Variants in TCERG1L observed in about 807,000 individuals in gnomAD.
TCERG1L encodes transcription elongation regulator 1-like protein.
In TCERG1L, 37 loss-of-function variants were observed where a neutral mutation model predicts 56.3. The observed-to-expected ratio is 0.66, with a 90% CI of 0.51 to 0.87. The LOEUF (loss-of-function observed/expected upper bound fraction) is 0.87. Ranked by LOEUF, TCERG1L falls within the 40% of genes least tolerant of loss-of-function variation. The pLI is 0.00. For synonymous variants in TCERG1L, 324 were observed against 326.3 expected, an observed-to-expected ratio of 0.99 and a Z score of 0.08; for missense variants, 799 against 774.2, an observed-to-expected ratio of 1.03 and a Z score of -0.38.
rs151138949 is a variant in TCERG1L, at chr10:131,212,689, C to T, written c.857-45804G>A. 5.6e-4 allele frequency among the ~76,000 whole-genome samples: 85 copies of T among 152,324 alleles called. No homozygotes were observed. In the East Asian group the frequency reaches 8.7e-3, roughly 16 times the overall value. ...ACAGTTCCAAAATTCTCAATTCAAC[C>T]TGAGACTACCAAATTAGTTCTATTT... On this transcript the variant is annotated intron_variant, in intron 4 of 11. Coordinates refer to ENST00000368642, the MANE Select transcript of TCERG1L (RefSeq NM_174937.4).
Position 131,116,886 on chromosome 10 carries a change from G to A in TCERG1L, c.1308C>T (p.Asp436=). The A allele has an allele frequency of 6.2e-7, 1 of 1,603,116 alleles. No individual in the cohort carries two copies. Among genetic ancestry groups the A allele is most frequent in the Non-Finnish European group, 8.5e-7 (1 of 1,175,318 alleles). The change falls in exon 9 of 12, where the codon GAC becomes GAT. Residue 436 remains aspartate (D), a synonymous_variant. Coordinates refer to ENST00000368642, the MANE Select transcript of TCERG1L (RefSeq NM_174937.4). ...SPKPEEAKRE[D]KGTRTPPPQI... is the part of the protein sequence containing the mutation. ...GCGGGGGCGGCGTCCTTGTGCCTTT[G>A]TCCTCTCTCTTTGCCTCCTCTGGCT...
chr10:131,225,309 C>A (rs887430848), intron 4 of TCERG1L, among the ~76,000 whole-genome samples: 7 of 152,170 alleles, frequency 4.6e-5, no homozygotes, highest in African/African-American at 1.7e-4. Context: ...CACAGCCCTG[C>A]CACACAGGCT....
chr10:131,262,580 C>T (rs760102357), intron 3 of TCERG1L, among the ~76,000 whole-genome samples: 6 of 152,180 alleles, frequency 3.9e-5, no homozygotes, highest in Non-Finnish European at 7.3e-5. Context: ...GATGCCTCCA[C>T]TCCCCTCATT....
chr10:131,210,708 C>T (rs918896084), intron 4 of TCERG1L, among the ~76,000 whole-genome samples: 25 of 152,272 alleles, frequency 1.6e-4, no homozygotes, highest in African/African-American at 5.8e-4. Flanking sequence ...TTTCCTCCCT[C>T]CTCTCCTCCT....
intron 4 of TCERG1L, among the ~76,000 whole-genome samples, chr10:131,226,730 T>C (rs773647143): frequency 5.3e-5 from 8 of 152,224 alleles, no homozygotes; most frequent in African/African-American, 9.6e-5. Context: ...AAAATAATTA[T>C]AGTTTAGAAG....
intron 4 of TCERG1L, among the ~76,000 whole-genome samples, chr10:131,240,854 A>G (rs1013014551): frequency 6.6e-6 from 1 of 152,228 alleles, no homozygotes; most frequent in African/African-American, 2.4e-5. Context: ...GGAGCTGATT[A>G]TGAGATAGGA....
At chr10:131,181,333 C>CG (rs900789672) in intron 4 of TCERG1L, among the ~76,000 whole-genome samples, 1 of 152,164 alleles carries the variant, frequency 6.6e-6, no homozygotes, top group Non-Finnish European at 1.5e-5. Flanking sequence ...ACCAGGGGCC[C>CG]GGGGGTGTCT....
Position 131,118,974 on chromosome 10 carries a change from A to C in TCERG1L, c.1260-2040T>G, listed in dbSNP as rs1334421374. Reference sequence around the variant, plus strand: ...TGAAATGTCCTGCAATGCACAGGACAGCCCCCACCACGCAGGCTCATGTGG... The same window carrying C: ...TGAAATGTCCTGCAATGCACAGGACCGCCCCCACCACGCAGGCTCATGTGG... On this transcript the variant is annotated intron_variant, in intron 8 of 11. Transcript: ENST00000368642. The surrounding 1 kb of genome is among the most constrained non-coding windows in gnomAD (Gnocchi z 4.2). Among the ~76,000 whole-genome samples the C allele has an allele frequency of 6.6e-6, 1 of 152,206 alleles. No individual in the cohort carries two copies. The highest frequency in any genetic ancestry group is 2.4e-5 in the African/African-American group (1 of 41,450).
intron 3 of TCERG1L, among the ~76,000 whole-genome samples, chr10:131,273,967 T>A (rs938558494): frequency 6.6e-6 from 1 of 152,152 alleles, no homozygotes; most frequent in Non-Finnish European, 1.5e-5. Flanking sequence ...TCAGGGAACA[T>A]GTCACAGGAG....
chr10:131,215,475 C>G (rs1845660769), intron 4 of TCERG1L, among the ~76,000 whole-genome samples: 1 of 151,686 alleles, frequency 6.6e-6, no homozygotes, highest in South Asian at 2.1e-4. Flanking sequence ...TGAGTCTCGG[C>G]AGAGGCTTCC....
intron 3 of TCERG1L, among the ~76,000 whole-genome samples, chr10:131,272,275 A>G (rs566199831): frequency 6.6e-6 from 1 of 152,368 alleles, no homozygotes; most frequent in African/African-American, 2.4e-5. Flanking sequence ...GTGTTTGCAT[A>G]TCTGACTGAG....
intron 3 of TCERG1L, among the ~76,000 whole-genome samples, chr10:131,299,499 T>C (rs991282204): frequency 6.7e-6 from 1 of 150,248 alleles, no homozygotes; most frequent in Non-Finnish European, 1.5e-5. Flanking sequence ...TTTGAAGATA[T>C]ATCTTTCGAA....
intron 10 of TCERG1L, among the ~76,000 whole-genome samples, chr10:131,099,533 G>A (rs1339041071): frequency 1.3e-5 from 2 of 152,108 alleles, no homozygotes; most frequent in African/African-American, 4.8e-5. Context: ...TCCAACCAAC[G>A]GCCAGGCAGA....
intron 4 of TCERG1L, among the ~76,000 whole-genome samples, chr10:131,210,745 C>T (rs1264490830): frequency 6.6e-6 from 1 of 152,120 alleles, no homozygotes; most frequent in Non-Finnish European, 1.5e-5. Context: ...TCTTTGCTAA[C>T]CACCCCATCA....
intron 4 of TCERG1L, among the ~76,000 whole-genome samples, chr10:131,216,395 C>T (rs929429772): frequency 3.9e-5 from 6 of 152,150 alleles, no homozygotes; most frequent in African/African-American, 7.2e-5. Flanking sequence ...CTGCCCTTTT[C>T]GCTACAGTGA....
chr10:131,182,353 G>A (rs1025898173), intron 4 of TCERG1L, among the ~76,000 whole-genome samples: 11 of 152,262 alleles, frequency 7.2e-5, no homozygotes, highest in African/African-American at 2.7e-4. Flanking sequence ...CGGGGTCTTT[G>A]TGCCCCTGTC....
chr10:131,287,887 C>A (rs1315018769), intron 3 of TCERG1L, among the ~76,000 whole-genome samples: 1 of 152,142 alleles, frequency 6.6e-6, no homozygotes, highest in East Asian at 1.9e-4. Context: ...CATTTTGAAC[C>A]CGGCAGTCTG....
intron 6 of TCERG1L, chr10:131,155,928 G>C (rs11017771): frequency 0.13 from 19,885 of 152,230 alleles, 1,750 homozygotes; most frequent in Non-Finnish European, 0.2. Context: ...TCCCTGACAA[G>C]TGACTCCTCC....
intron 3 of TCERG1L, among the ~76,000 whole-genome samples, chr10:131,294,685 T>C (rs185342883): frequency 6.6e-6 from 1 of 152,316 alleles, no homozygotes; most frequent in East Asian, 1.9e-4. Context: ...AACATGAGCA[T>C]AGAACTCATC....
Sources: gnomAD v4.1 joint callset for allele counts (sites outside exome capture counted in the v4.1 genomes callset) on GRCh38, gnomAD v4.1.1 for gene constraint, Gnocchi (gnomAD v3.1) non-coding constraint, MANE v1.5 for transcripts, NCBI Gene and HGNC (gene_info 2026-07-23, HGNC 2026-07-21) for gene names.